The following CFAP206 variants were observed in gnomAD, a reference collection of about 807,000 sequenced individuals.
CFAP206 encodes the protein cilia and flagella associated protein 206.
A neutral mutation model predicts 65.4 loss-of-function variants in CFAP206; 53 were observed. The ratio of observed to expected loss-of-function variants is 0.81; its 90% CI spans 0.65 to 1.02. CFAP206 has a LOEUF of 1.02. CFAP206 is among the 50% of genes least tolerant of loss of function. The pLI is 0.00. For synonymous variants in CFAP206, 250 were observed against 254.4 expected, an observed-to-expected ratio of 0.98 and a Z score of 0.17; for missense variants, 663 against 753.2, an observed-to-expected ratio of 0.88 and a Z score of 1.40.
Position 87,445,053 on chromosome 6 carries a change from G to C in CFAP206, c.1494+10000G>C, listed in dbSNP as rs577650070. The C allele has an allele frequency of 9.1e-5, 47 of 514,998 alleles. 1 individual carries two copies. The highest frequency in any genetic ancestry group is 6.0e-4 in the South Asian group (43 of 71,098). The allele number at this position is 514,998 out of a possible 1,614,324, so 31.9% of individuals were successfully genotyped here. On this transcript the variant is annotated intron_variant, in intron 11 of 12. Coordinates refer to ENST00000369562, the MANE Select transcript of CFAP206 (RefSeq NM_001031743.3). ...GGTCAAGAGAGGATTCAGCTTGAAG[G>C]CATCTGTGAATAAGTCAATGGCTTT... is the stretch of plus-strand genomic sequence containing the variant.
chr6:87,421,921 C>T (rs1283144659), intron 7 of CFAP206, among the ~76,000 whole-genome samples: 1 of 152,104 alleles, frequency 6.6e-6, no homozygotes, highest in African/African-American at 2.4e-5. Flanking sequence ...GTAATAAGAA[C>T]ATTAAACATC....
At chr6:87,417,505 C>G (rs927460857) in intron 6 of CFAP206, among the ~76,000 whole-genome samples, 3 of 149,234 alleles carry the variant, frequency 2.0e-5, no homozygotes, top group African/African-American at 7.4e-5. Flanking sequence ...CCTTGCTAGA[C>G]TATTCTGTCA....
At chr6:87,441,010 C>CA (rs1429555767) in intron 11 of CFAP206, among the ~76,000 whole-genome samples, 1 of 152,116 alleles carries the variant, frequency 6.6e-6, no homozygotes, top group East Asian at 1.9e-4. Context: ...CTTTGATATA[C>CA]TAATGCATAA....
At chr6:87,412,171 T>G (rs1303976026) in intron 3 of CFAP206, among the ~76,000 whole-genome samples, 1 of 152,242 alleles carries the variant, frequency 6.6e-6, no homozygotes, top group Non-Finnish European at 1.5e-5. Context: ...ATATGTTATA[T>G]TCAAGTGACA....
intron 7 of CFAP206, among the ~76,000 whole-genome samples, chr6:87,419,117 G>A (rs528783522): frequency 1.1e-4 from 17 of 148,084 alleles, no homozygotes; most frequent in East Asian, 5.9e-4. Flanking sequence ...TCAAAAAAAC[G>A]TTTGTTTTTT....
chr6:87,450,474 AAT>A (rs1491103606), intron 11 of CFAP206, among the ~76,000 whole-genome samples: 16 of 105,026 alleles, frequency 1.5e-4, no homozygotes, highest in South Asian at 7.0e-4. Context: ...AATAAATGAA[AAT>A]GTGTGTGTGT....
intron 12 of CFAP206, among the ~76,000 whole-genome samples, 182 bp from the exon 13 acceptor site, chr6:87,463,838 G>C (rs1194114405): frequency 1.3e-5 from 2 of 151,980 alleles, no homozygotes; most frequent in Non-Finnish European, 2.9e-5. Context: ...CTTGGTAAGG[G>C]ATATTTAATT....
chr6:87,415,961 G>T, intron 5 of CFAP206, 87 bp downstream of exon 5: 2 of 950,816 alleles, frequency 2.1e-6, no homozygotes, highest in Non-Finnish European at 2.8e-6. Context: ...AAGTGTTAAA[G>T]ATTGAAGTTC....
chr6:87,427,383 C>T (rs12214744), intron 8 of CFAP206, among the ~76,000 whole-genome samples: 9,566 of 152,232 alleles, frequency 0.063, 414 homozygotes, highest in Non-Finnish European at 0.094. Context: ...TCGTGATCTG[C>T]CCGCCTCGGC....
chr6:87,445,110 G>C (rs1582147168), intron 11 of CFAP206: 1 of 438,466 alleles, frequency 2.3e-6, no homozygotes. Context: ...GGCTTCAGTG[G>C]CAGCCACTTT....
rs1479827013 is a variant in CFAP206 at position 87,416,582 on chromosome 6, T to C, written c.473-87T>C. On this transcript the variant is annotated intron_variant, in intron 5 of 12. Transcript: ENST00000369562. ...CATATAAGTAACTCAGACCCTTAAC[T>C]TGCTGCTAAAGAAAAACGTTATTTA... 5 of 1,239,222 alleles carry C rather than the reference T, an allele frequency of 4.0e-6. No individual in the cohort carries two copies. The East Asian group carries it at 1.2e-4, about 31-fold the overall frequency. The allele number at this position is 1,239,222 out of a possible 1,614,324, so 76.8% of individuals were successfully genotyped here. A position where few individuals can be genotyped will look rare whatever the true frequency, so the allele number is the denominator to read the frequency against.
At chr6:87,422,399 A>G (rs71572758) in intron 7 of CFAP206, among the ~76,000 whole-genome samples, 5,531 of 149,294 alleles carry the variant, frequency 0.037, 125 homozygotes, top group Middle Eastern at 0.08. Context: ...GCAATGAGCC[A>G]AGATCACACC....
At chr6:87,462,270 C>T (rs973180692) in intron 12 of CFAP206, among the ~76,000 whole-genome samples, 4 of 152,166 alleles carry the variant, frequency 2.6e-5, no homozygotes, top group Admixed American at 2.0e-4. Context: ...ACATTATTTC[C>T]TTTGCTACTC....
chr6:87,457,539 A>G (rs1768669120), intron 11 of CFAP206, among the ~76,000 whole-genome samples: 1 of 152,232 alleles, frequency 6.6e-6, no homozygotes, highest in African/African-American at 2.4e-5. Flanking sequence ...CTTATTTTAA[A>G]CAAAGGTGCC....
chr6:87,433,701 A>G (rs1214380676), intron 10 of CFAP206, among the ~76,000 whole-genome samples: 2 of 152,224 alleles, frequency 1.3e-5, no homozygotes, highest in Non-Finnish European at 2.9e-5. Context: ...ACTTTAACAT[A>G]AAAATATAAT....
At chr6:87,446,694 A>C (rs1169564083) in intron 11 of CFAP206, among the ~76,000 whole-genome samples, 1 of 152,190 alleles carries the variant, frequency 6.6e-6, no homozygotes, top group Non-Finnish European at 1.5e-5. Flanking sequence ...TTTTGGCTCC[A>C]TATGAATTTT....
intron 11 of CFAP206, among the ~76,000 whole-genome samples, chr6:87,445,746 G>A (rs1768432132): frequency 6.6e-6 from 1 of 152,078 alleles, no homozygotes; most frequent in African/African-American, 2.4e-5. Context: ...TGAGTCAAAT[G>A]GTATTTCTGG....
intron 11 of CFAP206, among the ~76,000 whole-genome samples, chr6:87,440,339 A>T (rs1436478924): frequency 6.6e-6 from 1 of 152,136 alleles, no homozygotes; most frequent in Non-Finnish European, 1.5e-5. Flanking sequence ...CTCCCTTACT[A>T]ATTCTAATAA....
Position 87,426,560 on chromosome 6 carries a change from T to A in CFAP206, c.875T>A (p.Met292Lys). The A allele has an allele frequency of 6.3e-7, 1 of 1,598,096 alleles. No individual in the cohort carries two copies. The highest frequency in any genetic ancestry group is 2.3e-5 in the East Asian group (1 of 44,242). ...DIITGAQEVE[M>K]MTKQLGAHLE... ...ATTACTGGTGCTCAAGAAGTGGAAA[T>A]GATGACAAAACAGTTAGGAGCCCAT... The change falls in exon 8 of 13, where the codon ATG (methionine) becomes AAG (lysine). Residue 292 changes from methionine to lysine, a missense_variant. By Grantham distance (95) the Met-to-Lys change is moderately conservative. Transcript: ENST00000369562.
Sources: allele counts gnomAD v4.1 joint callset (sites outside exome capture counted in the v4.1 genomes callset), GRCh38; gene constraint gnomAD v4.1.1; transcripts MANE v1.5; gene names NCBI Gene and HGNC (gene_info 2026-07-23, HGNC 2026-07-21).